The following DGKH variants were observed in gnomAD, a reference collection of about 807,000 sequenced individuals.
The protein encoded by DGKH is diacylglycerol kinase eta.
Under a neutral mutation model 159.3 loss-of-function variants are expected in DGKH, and 90 were observed. The ratio of observed to expected loss-of-function variants is 0.57; its 90% CI spans 0.48 to 0.67. DGKH has a LOEUF of 0.67. DGKH is among the 30% of genes least tolerant of loss of function. DGKH has a pLI of 0.00. For synonymous variants in DGKH, 536 were observed against 553.8 expected, an observed-to-expected ratio of 0.97 and a Z score of 0.45; for missense variants, 1,181 against 1,506.1, an observed-to-expected ratio of 0.78 and a Z score of 3.57.
chr13:42,148,783 A>G (rs1374198689), intron 3 of DGKH, among the ~76,000 whole-genome samples: 1 of 151,978 alleles, frequency 6.6e-6, no homozygotes, highest in African/African-American at 2.4e-5. Flanking sequence ...CGCTGTTTAT[A>G]ATGCCCAGCC....
chr13:42,047,774 C>T (rs1346512130), upstream of DGKH, among the ~76,000 whole-genome samples: 1 of 152,144 alleles, frequency 6.6e-6, no homozygotes, highest in Non-Finnish European at 1.5e-5. Flanking sequence ...CTTTTTGTCT[C>T]GGGTACTGGT....
At chr13:42,093,448 A>T (rs917450699) in intron 1 of DGKH, among the ~76,000 whole-genome samples, 1 of 152,158 alleles carries the variant, frequency 6.6e-6, no homozygotes, top group Non-Finnish European at 1.5e-5. Flanking sequence ...AAACAGTATG[A>T]TGGCTCTTTA....
chr13:42,245,612 G>T (rs1958574595), downstream of DGKH, among the ~76,000 whole-genome samples: 1 of 151,770 alleles, frequency 6.6e-6, no homozygotes, highest in Non-Finnish European at 1.5e-5. Context: ...TTGAAATGGA[G>T]TCTCACTCTG....
intron 7 of DGKH, among the ~76,000 whole-genome samples, chr13:42,160,723 G>A (rs1228897837): frequency 1.3e-5 from 2 of 152,240 alleles, no homozygotes; most frequent in Non-Finnish European, 2.9e-5. Flanking sequence ...AGCACTGGGC[G>A]ATGCTGCTCT....
rs1261649123 is a variant in DGKH at position 42,168,492 on chromosome 13, G to A, written c.1171G>A (p.Asp391Asn). ...TTTCCGGATTCTTGTTTGTGGAGGC[G>A]ATGGAAGTGTAGGTTGGGTTTTGTC... ...DNFRILVCGG[D>N]GSVGWVLSEI... The change falls in exon 10 of 30, where the codon GAT (aspartate) becomes AAT (asparagine). Residue 391 changes from aspartate to asparagine, a missense_variant. Transcript: ENST00000337343. The A allele has an allele frequency of 1.2e-6, 2 of 1,614,154 alleles. No individual in the cohort carries two copies. The highest frequency in any genetic ancestry group is 1.1e-5 in the South Asian group (1 of 91,080).
At position 42,165,448 on chromosome 13, in the gene DGKH, T is replaced by C; in HGVS notation, c.958+15T>C. ...CGATTCCGATGGTATGTAGCAGTAGTGTAAGTACGTATATTTCTGGTATAT... is the reference window on the plus strand; with the variant it reads ...CGATTCCGATGGTATGTAGCAGTAGCGTAAGTACGTATATTTCTGGTATAT... On this transcript the variant is annotated intron_variant, in intron 8 of 29. Coordinates refer to ENST00000337343, the MANE Select transcript of DGKH (RefSeq NM_178009.5). 2 of 1,392,690 alleles carry C rather than the reference T, an allele frequency of 1.4e-6. No homozygotes were observed. Among genetic ancestry groups the C allele is most frequent in the African/African-American group, 1.5e-5 (1 of 67,902 alleles). 86.3% of individuals were successfully genotyped at this position (1,392,690 alleles called of 1,614,324 possible).
intron 1 of DGKH, among the ~76,000 whole-genome samples, chr13:42,061,281 C>G (rs1210937819): frequency 6.6e-6 from 1 of 152,156 alleles, no homozygotes; most frequent in African/African-American, 2.4e-5. Flanking sequence ...CCTTACAATA[C>G]ACGTAGCTGG....
At chr13:42,170,439 A>G (rs1956421076) in intron 11 of DGKH, among the ~76,000 whole-genome samples, 1 of 152,128 alleles carries the variant, frequency 6.6e-6, no homozygotes, top group Non-Finnish European at 1.5e-5. Flanking sequence ...AAATAAATAA[A>G]TGAATAAAAA....
At chr13:42,159,880 G>A (rs1737749713) in intron 6 of DGKH, 131 bp from the exon 7 acceptor site, 4 of 1,312,910 alleles carry the variant, frequency 3.0e-6, no homozygotes, top group African/African-American at 2.9e-5. Flanking sequence ...TAAACGTGGG[G>A]TAAATGAGTG....
chr13:42,093,064 T>G (rs1954451177), intron 1 of DGKH, among the ~76,000 whole-genome samples: 1 of 151,932 alleles, frequency 6.6e-6, no homozygotes, highest in South Asian at 2.1e-4. Context: ...GGCAACATGG[T>G]GAAGCCCTAT....
intron 1 of DGKH, among the ~76,000 whole-genome samples, chr13:42,082,456 T>C (rs1954219117): frequency 6.6e-6 from 1 of 152,188 alleles, no homozygotes; most frequent in African/African-American, 2.4e-5. Flanking sequence ...TCCCAAATTA[T>C]ATTCAGCCAT....
chr13:42,183,737 C>A (rs1038495968), intron 13 of DGKH, among the ~76,000 whole-genome samples: 1 of 152,188 alleles, frequency 6.6e-6, no homozygotes, highest in Non-Finnish European at 1.5e-5. Context: ...TAAGAGTTAT[C>A]TTCTGAGAAT....
At chr13:42,093,674 G>A (rs1309928704) in intron 1 of DGKH, among the ~76,000 whole-genome samples, 2 of 152,214 alleles carry the variant, frequency 1.3e-5, no homozygotes, top group African/African-American at 4.8e-5. Context: ...GTATTTTTCA[G>A]CCTTAAACAG....
chr13:42,255,808 A>G (rs1958652860), intron 30 of DGKH: 1 of 567,302 alleles, frequency 1.8e-6, no homozygotes. Context: ...GGGTTAGGGA[A>G]AGATTATTTT....
intron 1 of DGKH, among the ~76,000 whole-genome samples, chr13:42,059,020 C>T (rs1011124119): frequency 2.6e-5 from 4 of 152,200 alleles, no homozygotes; most frequent in Non-Finnish European, 4.4e-5. Flanking sequence ...CACATCATCA[C>T]TCTGAATTGA....
chr13:42,087,401 A>T (rs1954328867), intron 1 of DGKH, among the ~76,000 whole-genome samples: 1 of 152,242 alleles, frequency 6.6e-6, no homozygotes, highest in African/African-American at 2.4e-5. Context: ...TCATTAGAGC[A>T]TCATCACACA....
In DGKH at chr13:42,155,065, T is replaced by C. The variant is rs1594108022; in HGVS notation, c.385-226T>C. Among the ~76,000 whole-genome samples, 4 of 152,270 alleles carry C rather than the reference T, an allele frequency of 2.6e-5. No individual in the cohort carries two copies. The South Asian group carries it at 8.3e-4, about 32-fold the overall frequency. On this transcript the variant is annotated intron_variant, in intron 3 of 29. Transcript: ENST00000337343. ...GCATTGTGTATTTGGGTCCATAGCCTTAGAAAAAAGGGCTAAAGAGCCCAA... is the reference window on the plus strand; with the variant it reads ...GCATTGTGTATTTGGGTCCATAGCCCTAGAAAAAAGGGCTAAAGAGCCCAA...
downstream of DGKH, among the ~76,000 whole-genome samples, chr13:42,243,738 T>C (rs1479527581): frequency 2.0e-5 from 3 of 152,054 alleles, no homozygotes; most frequent in Non-Finnish European, 4.4e-5. Context: ...CAAGCAAAGA[T>C]AGGCAAGCAG....
intron 1 of DGKH, among the ~76,000 whole-genome samples, chr13:42,076,051 T>C (rs939613932): frequency 1.3e-5 from 2 of 152,362 alleles, no homozygotes; most frequent in East Asian, 1.9e-4. Flanking sequence ...AATCCTCTTA[T>C]AGCCTTTTTC....
Sources: gnomAD v4.1 joint callset for allele counts (sites outside exome capture counted in the v4.1 genomes callset) on GRCh38, gnomAD v4.1.1 for gene constraint, MANE v1.5 for transcripts, NCBI Gene and HGNC (gene_info 2026-07-23, HGNC 2026-07-21) for gene names.